TREH: variants seen among roughly 807,000 people sequenced by gnomAD.
TREH encodes the protein trehalase.
In TREH, 69 loss-of-function variants were observed where a neutral mutation model predicts 80.5. The observed-to-expected ratio is 0.86, with a 90% CI of 0.71 to 1.05. The LOEUF (loss-of-function observed/expected upper bound fraction) is 1.05. TREH is among the 50% of genes least tolerant of loss of function. TREH has a pLI of 0.00. For missense variants in TREH, 716 were observed against 718.8 expected (o/e 1.00, Z 0.04); for synonymous variants, 309 against 293.5 (o/e 1.05, Z -0.54).
Position 118,658,708 on chromosome 11 carries a change from G to T in TREH, c.1571C>A (p.Pro524His). 1 of 1,603,058 alleles carries T rather than the reference G, an allele frequency of 6.2e-7. No individual in the cohort carries two copies. The highest frequency in any genetic ancestry group is 1.3e-5 in the African/African-American group (1 of 74,732). The change falls in exon 14 of 15, where the codon CCC becomes CAC. Residue 524 changes from proline (P) to histidine (H), a missense_variant. Physicochemically the swap from Pro to His is moderately conservative, Grantham distance 77. Transcript: ENST00000264029. ...AACTTCATATTCTCCTCCCCCACCG[G>T]GCTGTCCACCGTTGCTGACGTCATA... ...EKYDVSNGGQPGGGGEYEVQE... is the reference protein window; with the variant it reads ...EKYDVSNGGQHGGGGEYEVQE...
Position 118,663,072 on chromosome 11 carries a change from G to C in TREH, c.315C>G (p.Thr105=). Residue 105 remains threonine (T), a synonymous_variant, in exon 3 of 15, where the codon ACC becomes ACG. Transcript: ENST00000264029. ...CATACCTGTCTTTCCAGTCTGCAGG[G>C]GTCCAGGGCTGCAGCTCCTGCCCCT... ...QAKGQELQPW[T]PADWKDSPQF... The C allele has an allele frequency of 6.2e-7, 1 of 1,613,930 alleles. No individual in the cohort carries two copies. The highest frequency in any genetic ancestry group is 1.6e-4 in the Middle Eastern group (1 of 6,062).
At chr11:118,678,966 G>A (rs1555147144) in intron 1 of TREH, among the ~76,000 whole-genome samples, 1 of 152,210 alleles carries the variant, frequency 6.6e-6, no homozygotes, top group East Asian at 1.9e-4. Context: ...ACAATCCTGA[G>A]AAGAGGCCTG....
At chr11:118,675,595 TA>T (rs1448690309) in intron 1 of TREH, among the ~76,000 whole-genome samples, 2 of 152,188 alleles carry the variant, frequency 1.3e-5, no homozygotes, top group Non-Finnish European at 2.9e-5. Context: ...GGGCAAGGTC[TA>T]GGGGGGCCCT....
intron 1 of TREH, among the ~76,000 whole-genome samples, chr11:118,676,664 G>A (rs1555146880): frequency 6.6e-6 from 1 of 151,896 alleles, no homozygotes; most frequent in African/African-American, 2.4e-5. Context: ...CTACTTGGGA[G>A]GCTGAGGCAG....
At chr11:118,678,491 G>A (rs1403286919) in intron 1 of TREH, among the ~76,000 whole-genome samples, 1 of 151,916 alleles carries the variant, frequency 6.6e-6, no homozygotes, top group East Asian at 1.9e-4. Context: ...AGCCTCCCGA[G>A]TAGCTGGGAT....
Position 118,661,027 on chromosome 11 carries a change from G to T in TREH, c.858-112C>A, listed in dbSNP as rs562634484. 2 of 1,554,960 alleles carry T rather than the reference G, an allele frequency of 1.3e-6. No individual in the cohort carries two copies. Among genetic ancestry groups the T allele is most frequent in the South Asian group, 1.2e-5 (1 of 85,204 alleles). Reference sequence around the variant, plus strand: ...GCTGCCCTTGGGCCCCACAGCCCAGGATTGCAGAGGGCTCTCGGTGTCACC... The same window carrying T: ...GCTGCCCTTGGGCCCCACAGCCCAGTATTGCAGAGGGCTCTCGGTGTCACC... On this transcript the variant is annotated intron_variant, in intron 8 of 14. Transcript: ENST00000264029. The surrounding 1 kb of genome is among the most constrained non-coding windows in gnomAD (Gnocchi z 4.2).
intron 11 of TREH, 121 bp from the exon 12 acceptor site, chr11:118,659,602 G>T: frequency 7.4e-7 from 1 of 1,354,774 alleles, no homozygotes; most frequent in Non-Finnish European, 1.0e-6. Context: ...TCGGCTCACA[G>T]CTGCCCCCCG....
chr11:118,658,595 G>C, intron 14 of TREH, 85 bp downstream of exon 14: 1 of 1,532,796 alleles, frequency 6.5e-7, no homozygotes. Context: ...ATGCAGGTGA[G>C]CACACTGAGG....
chr11:118,658,490 C>A, intron 14 of TREH, 49 bp from the exon 15 acceptor site: 1 of 1,592,564 alleles, frequency 6.3e-7, no homozygotes, highest in East Asian at 2.3e-5. Flanking sequence ...GCCTCATACC[C>A]TTGGTGGGGG....
At chr11:118,672,796 A>C (rs1443684909) in intron 1 of TREH, among the ~76,000 whole-genome samples, 1 of 152,084 alleles carries the variant, frequency 6.6e-6, no homozygotes, top group Non-Finnish European at 1.5e-5. Context: ...AAAACACAGA[A>C]TATAATAACA....
chr11:118,662,111 G>A (rs570460972), intron 4 of TREH, 121 bp from the exon 5 acceptor site: 28 of 750,436 alleles, frequency 3.7e-5, no homozygotes, highest in South Asian at 1.8e-4. Flanking sequence ...TGGGTTCAGC[G>A]CTGGCTCCAC....
Position 118,661,612 on chromosome 11 carries a change from G to A in TREH, c.617+25C>T, listed in dbSNP as rs782575479. On this transcript the variant is annotated intron_variant, in intron 6 of 14. Coordinates refer to ENST00000264029, the MANE Select transcript of TREH (RefSeq NM_007180.3). This position sits in a 1 kb window ranked among gnomAD's most constrained non-coding sequence, Gnocchi z 4.2. ...ACACCTGCCTCTCCTCCCCACCTAG[G>A]CTGGAGGTGCCTGGCCCCCCTCACG... 8 of 1,613,784 alleles carry A rather than the reference G, an allele frequency of 5.0e-6. No homozygotes were observed. The highest frequency in any genetic ancestry group is 4.5e-5 in the East Asian group (2 of 44,878).
intron 1 of TREH, among the ~76,000 whole-genome samples, chr11:118,668,528 C>T (rs1345309327): frequency 8.2e-6 from 1 of 122,530 alleles, no homozygotes; most frequent in Non-Finnish European, 1.6e-5. Flanking sequence ...TGCTGCCGTA[C>T]TCCAGCCTGG....
Position 118,658,235 on chromosome 11 carries a change from G to T in TREH, c.*54C>A. 1 of 1,539,640 alleles carries T rather than the reference G, an allele frequency of 6.5e-7. No individual in the cohort carries two copies. Among genetic ancestry groups the T allele is most frequent in the Non-Finnish European group, 8.8e-7 (1 of 1,140,074 alleles). On this transcript the variant is annotated 3_prime_UTR_variant, in exon 15 of 15. Transcript: ENST00000264029. The stretch of plus-strand genomic sequence containing the variant: ...GAAGAGGCAGGGGAAGGCAGGAACT[G>T]GTGCAGAGGTTTAATGGGGCAGGAG...
intron 4 of TREH, among the ~76,000 whole-genome samples, chr11:118,662,309 AG>A (rs1949333202): frequency 1.3e-5 from 2 of 152,092 alleles, no homozygotes; most frequent in Admixed American, 1.3e-4. Flanking sequence ...TGGGTGGGTG[AG>A]GGGGGTGCCA....
chr11:118,664,899 A>C (rs1949362449), intron 1 of TREH, among the ~76,000 whole-genome samples: 1 of 151,922 alleles, frequency 6.6e-6, no homozygotes, highest in Non-Finnish European at 1.5e-5. Flanking sequence ...ACTTGAGGTC[A>C]GGAGTTCGAG....
chr11:118,663,424 G>A lies in TREH; in HGVS notation c.105C>T (p.His35=), dbSNP rs371196774. Residue 35 remains histidine (H), a synonymous_variant, in exon 2 of 15, where the codon CAC becomes CAT. Transcript: ENST00000264029. ...PPPCESEIYC[H]GELLNQVQMA... ...TTTGAACTTGGTTTAGGAGCTCCCC[G>A]TGGCAGTAAATCTCACTGCAGAGAC... 1.3e-5 allele frequency: 21 copies of A among 1,582,956 alleles called. No individual in the cohort carries two copies. Among genetic ancestry groups the A allele is most frequent in the Middle Eastern group, 1.7e-4 (1 of 6,026 alleles).
chr11:118,667,183 A>AT (rs1450422483), intron 1 of TREH, among the ~76,000 whole-genome samples: 3 of 150,966 alleles, frequency 2.0e-5, no homozygotes, highest in East Asian at 3.9e-4. Flanking sequence ...CACCCAGCCT[A>AT]TTTTTTCTTT....
rs201359394 is a variant in TREH, at chr11:118,666,241, A to AT, written c.90-2803_90-2802insA. On this transcript the variant is annotated intron_variant, in intron 1 of 14. Coordinates refer to ENST00000264029, the MANE Select transcript of TREH (RefSeq NM_007180.3). ...GAGTAAAACTCCATCTCAAAAAAAA[A>AT]AAATAAATAAATGACAGATGGTGAG... 3.9e-3 allele frequency among the ~76,000 whole-genome samples: 588 copies of AT among 152,082 alleles called. 3 individuals are homozygous for AT. The highest frequency in any genetic ancestry group is 0.013 in the African/African-American group (555 of 41,466).
Sources: allele counts gnomAD v4.1 joint callset (sites outside exome capture counted in the v4.1 genomes callset), GRCh38; gene constraint gnomAD v4.1.1; non-coding constraint Gnocchi (gnomAD v3.1); transcripts MANE v1.5; gene names NCBI Gene and HGNC (gene_info 2026-07-23, HGNC 2026-07-21).